F8: variants seen among roughly 807,000 people sequenced by gnomAD.
F8 encodes antihemophilic factor.
In F8, 12 loss-of-function variants were observed where a neutral mutation model predicts 140.6. The ratio of observed to expected loss-of-function variants is 0.09; its 90% confidence interval spans 0.05 to 0.14. The LOEUF (loss-of-function observed/expected upper bound fraction) is 0.14. F8 is among the 10% of genes least tolerant of loss of function. F8 has a pLI of 1.00. For synonymous variants in F8, 585 were observed against 614.6 expected (o/e 0.95, Z 0.71); for missense variants, 1,354 against 1,720.7 (o/e 0.79, Z 3.77).
chrX:154,863,639 C>T (rs1210964395), intron 22 of F8, among the ~76,000 whole-genome samples: 1 of 110,566 alleles, frequency 9.0e-6, no homozygotes, highest in Non-Finnish European at 1.9e-5. Context: ...CTTGTTCCCC[C>T]ACAGGAACAA....
At chrX:154,938,158 T>A (rs1323531360) in intron 13 of F8, among the ~76,000 whole-genome samples, 1 of 111,636 alleles carries the variant, frequency 9.0e-6, no homozygotes, top group Non-Finnish European at 1.9e-5. Flanking sequence ...TTTTTGCTTT[T>A]TTTTTGTTTT....
chrX:154,844,592 T>TG (rs2072548409), intron 25 of F8, among the ~76,000 whole-genome samples: 1 of 110,841 alleles, frequency 9.0e-6, no homozygotes, highest in South Asian at 3.8e-4. Flanking sequence ...GCTCTCTGTT[T>TG]GTCTGTTGTT....
At chrX:154,965,849 T>G in intron 9 of F8, 121 bp downstream of exon 9, 4 of 671,600 alleles carry the variant, frequency 6.0e-6, no homozygotes, top group Non-Finnish European at 9.3e-6. Context: ...TTGTGTAACA[T>G]TTATAGCTTT....
At chrX:154,853,684 T>C (rs1401951012) in intron 25 of F8, among the ~76,000 whole-genome samples, 1 of 112,027 alleles carries the variant, frequency 8.9e-6, no homozygotes, top group Admixed American at 9.5e-5. Context: ...TGAGTTCTCC[T>C]TGCATTTTGC....
At chrX:154,918,792 T>G (rs1285900287) in intron 14 of F8, 3 of 101,245 alleles carry the variant, frequency 3.0e-5, no homozygotes, top group Non-Finnish European at 6.0e-5. Flanking sequence ...TCATGTTTTT[T>G]TTTTTTTTTT....
intron 11 of F8, among the ~76,000 whole-genome samples, chrX:154,954,604 G>A (rs911260954): frequency 2.7e-5 from 3 of 112,024 alleles, no homozygotes; most frequent in African/African-American, 9.7e-5. Context: ...TTTCAGAAGA[G>A]CATTTTGTAT....
At chrX:154,900,748 T>C (rs183815359) in intron 20 of F8, among the ~76,000 whole-genome samples, 1 of 111,684 alleles carries the variant, frequency 9.0e-6, no homozygotes, top group African/African-American at 3.3e-5. Flanking sequence ...AAGGGCCAGA[T>C]AGTAAATCAT....
intron 13 of F8, among the ~76,000 whole-genome samples, chrX:154,944,042 G>A (rs1389608741): frequency 1.8e-5 from 2 of 111,698 alleles, no homozygotes; most frequent in South Asian, 3.7e-4. Context: ...AGACTTAAAC[G>A]TTAGACCTAA....
intron 25 of F8, among the ~76,000 whole-genome samples, chrX:154,848,400 G>A (rs1725407741): frequency 8.9e-6 from 1 of 112,987 alleles, no homozygotes; most frequent in East Asian, 2.8e-4. Context: ...GCGTACAGAG[G>A]CAGGCAGGCC....
In F8 at chrX:154,930,752, C is replaced by T. The variant is rs1557278702; in HGVS notation, c.3038G>A (p.Ser1013Asn). ...TTTGTTTGTCTTTAACAAAGAGATG[C>T]TAACTTTGAATAAGGCATTATCTTT... ...LTKDNALFKV[S>N]ISLLKTNKTS... The change falls in exon 14 of 26, where the codon AGC (serine) becomes AAC (asparagine). Residue 1013 changes from serine to asparagine, a missense_variant. Ser to Asn is a conservative substitution (Grantham distance 46, BLOSUM62 1). Transcript: ENST00000360256. The T allele has an allele frequency of 1.7e-6, 2 of 1,208,492 alleles. No individual in the cohort carries two copies. The highest frequency in any genetic ancestry group is 2.2e-6 in the Non-Finnish European group (2 of 894,119).
chrX:155,021,416 T>C lies in F8; in HGVS notation c.143+994A>G, dbSNP rs148372026. 7.8e-3 allele frequency among the ~76,000 whole-genome samples: 873 copies of C among 111,380 alleles called. 11 individuals carry two copies. The highest frequency in any genetic ancestry group is 0.026 in the African/African-American group (797 of 30,688). The stretch of plus-strand genomic sequence containing the variant: ...ATGTATTATATTTAAATCTTTATAA[T>C]ACACATTTAAAGAAGACAAAAAAAT... On this transcript the variant is annotated intron_variant, in intron 1 of 25. Transcript: ENST00000360256.
intron 1 of F8, among the ~76,000 whole-genome samples, chrX:155,004,929 C>T (rs2073668271): frequency 9.0e-6 from 1 of 111,374 alleles, no homozygotes; most frequent in Non-Finnish European, 1.9e-5. Flanking sequence ...GATCAATGGC[C>T]ATCGTTTAGT....
At chrX:155,002,477 A>G (rs1557285682) in intron 1 of F8, among the ~76,000 whole-genome samples, 1 of 111,407 alleles carries the variant, frequency 9.0e-6, no homozygotes. Flanking sequence ...CCTGAATAGA[A>G]CAAAAAGACA....
At chrX:154,940,274 T>C (rs2073252340) in intron 13 of F8, among the ~76,000 whole-genome samples, 1 of 110,743 alleles carries the variant, frequency 9.0e-6, no homozygotes, top group African/African-American at 3.3e-5. Flanking sequence ...TGAAAAAAAA[T>C]TAGACGAATG....
chrX:155,005,611 G>T (rs1286695959), intron 1 of F8, among the ~76,000 whole-genome samples: 1 of 112,001 alleles, frequency 8.9e-6, no homozygotes, highest in African/African-American at 3.2e-5. Context: ...AACCATTCCA[G>T]AACTTATGAA....
chrX:154,902,270 G>GACC, intron 18 of F8, 103 bp from the exon 19 acceptor site: 2 of 622,245 alleles, frequency 3.2e-6, no homozygotes, highest in Non-Finnish European at 5.5e-6. Flanking sequence ...ACCAAATTTG[G>GACC]TAGTTCCACT....
At position 154,861,858 on chromosome X, in the gene F8, T is replaced by G. The variant is rs782036886; in HGVS notation, c.6583A>C (p.Met2195Leu). The change falls in exon 24 of 26, where the codon ATG becomes CTG. Residue 2195 changes from methionine to leucine, a missense_variant. Met to Leu is a conservative substitution (Grantham distance 15). Transcript: ENST00000360256. ...LMGCDLNSCS[M>L]PLGMESKAIS... Reference sequence around the variant, plus strand: ...GCTTTACTCTCCATTCCCAATGGCATGCTGCAACCTCAAAGAAAAGAAAAA... The same window carrying G: ...GCTTTACTCTCCATTCCCAATGGCAGGCTGCAACCTCAAAGAAAAGAAAAA... The G allele has an allele frequency of 1.2e-5, 14 of 1,209,793 alleles. No homozygotes were observed. The highest frequency in any genetic ancestry group is 1.6e-5 in the Non-Finnish European group (14 of 895,044).
In F8 at chrX:154,837,473, G is replaced by C; in HGVS notation, c.*124C>G. On this transcript the variant is annotated 3_prime_UTR_variant, in exon 26 of 26. Transcript: ENST00000360256. ...TGCAGGACTGATGATAGTTAATTCAGGAGGCTTCAAGGCAGTGTCTGCTAG... is the reference window on the plus strand; with the variant it reads ...TGCAGGACTGATGATAGTTAATTCACGAGGCTTCAAGGCAGTGTCTGCTAG... 2 of 787,043 alleles carry C rather than the reference G, an allele frequency of 2.5e-6. No individual in the cohort carries two copies. The highest frequency in any genetic ancestry group is 3.7e-6 in the Non-Finnish European group (2 of 537,950). The allele number at this position is 787,043 out of a possible 1,213,427, so 64.9% of individuals were successfully genotyped here.
intron 14 of F8, chrX:154,919,696 G>A: frequency 2.4e-6 from 1 of 420,979 alleles, no homozygotes. Flanking sequence ...AGCTGCTCCT[G>A]TGTTGCCAGT....
Sources: gnomAD v4.1 joint callset for allele counts (sites outside exome capture counted in the v4.1 genomes callset) on GRCh38, gnomAD v4.1.1 for gene constraint, MANE v1.5 for transcripts, NCBI Gene and HGNC (gene_info 2026-07-23, HGNC 2026-07-21) for gene names.